DSCAML1: variants seen among roughly 807,000 people sequenced by gnomAD.
DSCAML1 encodes cell adhesion molecule DSCAML1.
DSCAML1 carries 38 observed loss-of-function variants against 200.5 expected under a neutral mutation model. The observed-to-expected ratio is 0.19, with a 90% CI of 0.15 to 0.25. The LOEUF is 0.25. Among genes scored for constraint, DSCAML1 ranks in the 10% least tolerant of loss-of-function variants. The pLI is 1.00. For missense variants in DSCAML1, 2,223 were observed against 2,858.8 expected (o/e 0.78, Z 5.07); for synonymous variants, 1,215 against 1,165.0 (o/e 1.04, Z -0.87).
At chr11:117,470,502 G>C (rs1008615660) in intron 15 of DSCAML1, among the ~76,000 whole-genome samples, 29 of 152,192 alleles carry the variant, frequency 1.9e-4, no homozygotes, top group African/African-American at 7.0e-4. Context: ...ATGAACCCAG[G>C]GGGTGGAGCC....
intron 3 of DSCAML1, among the ~76,000 whole-genome samples, chr11:117,707,311 T>C (rs1030895025): frequency 1.3e-5 from 2 of 152,134 alleles, no homozygotes; most frequent in African/African-American, 4.8e-5. Flanking sequence ...TGGCAACAAA[T>C]AGAATCAGTT....
intron 3 of DSCAML1, among the ~76,000 whole-genome samples, chr11:117,655,711 C>T (rs1381285793): frequency 2.0e-5 from 3 of 152,154 alleles, no homozygotes; most frequent in Admixed American, 6.5e-5. Flanking sequence ...CTCCAAGCCA[C>T]GTTTATGTCA....
At chr11:117,435,558 A>T in intron 27 of DSCAML1, 86 bp downstream of exon 27, 1 of 1,458,242 alleles carries the variant, frequency 6.9e-7, no homozygotes, top group Non-Finnish European at 9.3e-7. Context: ...TATCATCCAG[A>T]TGGTGCTGTG....
intron 3 of DSCAML1, among the ~76,000 whole-genome samples, chr11:117,740,344 T>C (rs1405398510): frequency 6.6e-6 from 1 of 152,194 alleles, no homozygotes; most frequent in African/African-American, 2.4e-5. Context: ...AAGTTCATAC[T>C]CTTTCCCCAT....
At chr11:117,743,595 C>A (rs999648108) in intron 3 of DSCAML1, among the ~76,000 whole-genome samples, 2 of 152,190 alleles carry the variant, frequency 1.3e-5, no homozygotes, top group African/African-American at 4.8e-5. Context: ...ACCCTCTGGG[C>A]TCCAGGCCCA....
chr11:117,554,314 C>T (rs926021760), intron 3 of DSCAML1, among the ~76,000 whole-genome samples: 1 of 152,134 alleles, frequency 6.6e-6, no homozygotes, highest in Non-Finnish European at 1.5e-5. Context: ...TATATTCTAC[C>T]ACAATTTCAA....
At chr11:117,492,566 G>C (rs891591976) in intron 11 of DSCAML1, among the ~76,000 whole-genome samples, 2 of 152,172 alleles carry the variant, frequency 1.3e-5, no homozygotes, top group Non-Finnish European at 2.9e-5. Context: ...AGGTGAGGGG[G>C]CCCCTCCTTT....
In DSCAML1 at chr11:117,461,622, G is replaced by A. The variant is rs543950907; in HGVS notation, c.3266-26C>T. 63 of 1,604,524 alleles carry A rather than the reference G, an allele frequency of 3.9e-5. No individual in the cohort carries two copies. The Admixed American group carries it at 1.0e-3, about 25-fold the overall frequency. On this transcript the variant is annotated intron_variant, in intron 17 of 32. Coordinates refer to ENST00000651296, the MANE Select transcript of DSCAML1 (RefSeq NM_020693.4). ...CTGCAGGGGGTAGGGGGAGAACCAA[G>A]GGTCCAGTCAGTCATGGATGTGAGT...
chr11:117,655,237 G>C (rs1000892142), intron 3 of DSCAML1, among the ~76,000 whole-genome samples: 4 of 152,248 alleles, frequency 2.6e-5, no homozygotes. Context: ...GTTCAGGACA[G>C]GGGAGGGCTC....
intron 17 of DSCAML1, 80 bp from the exon 18 acceptor site, chr11:117,461,676 G>T: frequency 6.9e-7 from 1 of 1,441,248 alleles, no homozygotes; most frequent in Non-Finnish European, 9.5e-7. Context: ...TCCCAGGCTG[G>T]GTCCCGCAGT....
intron 3 of DSCAML1, among the ~76,000 whole-genome samples, chr11:117,699,899 C>T (rs1249039780): frequency 6.6e-6 from 1 of 152,234 alleles, no homozygotes; most frequent in African/African-American, 2.4e-5. Flanking sequence ...CTTGTCCTTA[C>T]CATCACTCCA....
intron 1 of DSCAML1, among the ~76,000 whole-genome samples, chr11:117,785,397 C>G (rs912573265): frequency 6.6e-6 from 1 of 152,028 alleles, no homozygotes; most frequent in African/African-American, 2.4e-5. Context: ...CAAGGGGGGG[C>G]ACTCCCAGAG....
At chr11:117,610,734 C>T (rs969517237) in intron 3 of DSCAML1, among the ~76,000 whole-genome samples, 10 of 151,702 alleles carry the variant, frequency 6.6e-5, no homozygotes, top group African/African-American at 2.4e-4. Context: ...TATTCAATTA[C>T]ACACAGTCAT....
chr11:117,622,843 C>T (rs889601981), intron 3 of DSCAML1, among the ~76,000 whole-genome samples: 5 of 152,138 alleles, frequency 3.3e-5, no homozygotes, highest in East Asian at 1.9e-4. Context: ...AAGGATCCTA[C>T]GGGTAACAGA....
intron 3 of DSCAML1, among the ~76,000 whole-genome samples, chr11:117,656,898 T>TGCTATGTCATCTG (rs2052747173): frequency 6.6e-6 from 1 of 152,248 alleles, no homozygotes; most frequent in African/African-American, 2.4e-5. Flanking sequence ...GAGGTGGCAG[T>TGCTATGTCATCTG]GCTATGTCAT....
intron 3 of DSCAML1, among the ~76,000 whole-genome samples, chr11:117,618,998 A>G (rs73590625): frequency 0.011 from 1,704 of 152,218 alleles, 25 homozygotes; most frequent in African/African-American, 0.038. Flanking sequence ...GCCTTCCCCA[A>G]CGCACCCAGC....
chr11:117,545,491 C>A (rs1591247797), intron 3 of DSCAML1, among the ~76,000 whole-genome samples: 1 of 152,168 alleles, frequency 6.6e-6, no homozygotes, highest in African/African-American at 2.4e-5. Flanking sequence ...TCTGGACATG[C>A]TCTTCCCTAG....
chr11:117,687,186 C>T (rs1205484470), intron 3 of DSCAML1, among the ~76,000 whole-genome samples: 1 of 152,096 alleles, frequency 6.6e-6, no homozygotes, highest in Admixed American at 6.5e-5. Context: ...CCAAAGAGAT[C>T]ACAGGTAAAG....
chr11:117,617,680 G>GCACGCACACACACACA (rs1555190792), intron 3 of DSCAML1, among the ~76,000 whole-genome samples: 1 of 142,910 alleles, frequency 7.0e-6, no homozygotes, highest in African/African-American at 2.6e-5. Flanking sequence ...ACAGGTACAC[G>GCACGCACACACACACA]CACACACACA....
Sources: allele counts gnomAD v4.1 joint callset (sites outside exome capture counted in the v4.1 genomes callset), GRCh38; gene constraint gnomAD v4.1.1; transcripts MANE v1.5; gene names NCBI Gene and HGNC (gene_info 2026-07-23, HGNC 2026-07-21).